SLC28A2: variants seen among roughly 807,000 people sequenced by gnomAD.
SLC28A2 encodes solute carrier family 28 member 2.
In SLC28A2, 69 loss-of-function variants were observed where a neutral mutation model predicts 72.9. The ratio of observed to expected loss-of-function variants is 0.95; its 90% CI spans 0.78 to 1.16. The LOEUF (loss-of-function observed/expected upper bound fraction) is 1.16. Ranked by LOEUF, SLC28A2 falls within the 50% of genes most tolerant of loss-of-function variation. SLC28A2 has a pLI of 0.00. For synonymous variants in SLC28A2, 296 were observed against 294.1 expected, an observed-to-expected ratio of 1.01 and a Z score of -0.07; for missense variants, 745 against 791.1, an observed-to-expected ratio of 0.94 and a Z score of 0.70.
chr15:45,264,507 C>T, intron 6 of SLC28A2, 148 bp from the exon 7 acceptor site: 2 of 613,624 alleles, frequency 3.3e-6, no homozygotes, highest in Non-Finnish European at 5.8e-6. Flanking sequence ...CTGTTTCTCC[C>T]TACCATTGCC....
In SLC28A2 at chr15:45,253,477, G is replaced by C. The variant is rs139690082; in HGVS notation, c.127G>C (p.Gly43Arg). Residue 43 changes from glycine to arginine, a missense_variant, in exon 3 of 18, where the codon GGA becomes CGA. Physicochemically the swap from Gly to Arg is moderately radical, Grantham distance 125 (BLOSUM62 -2). Transcript: ENST00000347644. ...GGGAAGCAAGAGGACTGACGCACAA[G>C]GACACAGCCTGGGGGATGGACTGGG... ...PEGSKRTDAQ[G>R]HSLGDGLGPS... 14 of 1,613,864 alleles carry C rather than the reference G, an allele frequency of 8.7e-6. No homozygotes were observed. The highest frequency in any genetic ancestry group is 1.2e-5 in the Non-Finnish European group (14 of 1,179,886).
At chr15:45,266,220 A>G in intron 10 of SLC28A2, 59 bp downstream of exon 10, 3 of 1,195,420 alleles carry the variant, frequency 2.5e-6, no homozygotes, top group African/African-American at 1.5e-5. Context: ...ATTTGGCACA[A>G]AACAAGAGTA....
At position 45,265,483 on chromosome 15, in the gene SLC28A2, T is replaced by A. The variant is rs1900303205; in HGVS notation, c.781-100T>A. ...TTGTGTAGGTACTGAATACCTACAC[T>A]GTATGAGATACCCTTGGAATGCTAA... On this transcript the variant is annotated intron_variant, in intron 8 of 17. Transcript: ENST00000347644. 2.0e-5 allele frequency: 17 copies of A among 840,412 alleles called. No homozygotes were observed. The South Asian group carries it at 2.3e-4, about 11-fold the overall frequency. The allele number at this position is 840,412 out of a possible 1,614,324, so 52.1% of individuals were successfully genotyped here.
At chr15:45,274,750 T>C (rs1012416813) in intron 17 of SLC28A2, among the ~76,000 whole-genome samples, 2 of 150,698 alleles carry the variant, frequency 1.3e-5, no homozygotes, top group East Asian at 1.9e-4. Flanking sequence ...GATTCTTCTT[T>C]TTTTTTTTTT....
At chr15:45,263,290 C>T (rs1271094431) in intron 5 of SLC28A2, 46 bp downstream of exon 5, 1 of 1,573,664 alleles carries the variant, frequency 6.4e-7, no homozygotes, top group Non-Finnish European at 8.6e-7. Context: ...TATCCCAGCC[C>T]ACCTCCTTTT....
In SLC28A2 at chr15:45,264,975, G is replaced by A. The variant is rs1376273488; in HGVS notation, c.703-114G>A. The A allele has an allele frequency of 1.0e-5, 9 of 885,772 alleles. 1 individual carries two copies. The highest frequency in any genetic ancestry group is 1.7e-5 in the Non-Finnish European group (9 of 537,864). The allele number at this position is 885,772 out of a possible 1,614,324, so 54.9% of individuals were successfully genotyped here. On this transcript the variant is annotated intron_variant, in intron 7 of 17. Transcript: ENST00000347644. ...CCTGCCCCTGGGCTGTCAAAGGGAGGCCAACCTCAGTAGCAACAGTAGGTC... is the reference window on the plus strand; with the variant it reads ...CCTGCCCCTGGGCTGTCAAAGGGAGACCAACCTCAGTAGCAACAGTAGGTC...
intron 10 of SLC28A2, among the ~76,000 whole-genome samples, chr15:45,266,607 C>T (rs149259594): frequency 6.0e-4 from 92 of 152,272 alleles, no homozygotes; most frequent in African/African-American, 2.2e-3. Context: ...TTGGTACATT[C>T]GTCTGTATGG....
chr15:45,253,669 G>C, intron 3 of SLC28A2, 149 bp downstream of exon 3: 1 of 548,774 alleles, frequency 1.8e-6, no homozygotes, highest in East Asian at 2.9e-5. Context: ...TTAAACATGT[G>C]CCATAAACTC....
Position 45,268,102 on chromosome 15 carries a change from T to A in SLC28A2, c.1200-108T>A, listed in dbSNP as rs538124494. ...GAGGAACCCCTGTCACCTTCTACAT[T>A]GGCCTTGCACCCTCCTCCTGCACGA... On this transcript the variant is annotated intron_variant, in intron 12 of 17. Coordinates refer to ENST00000347644, the MANE Select transcript of SLC28A2 (RefSeq NM_004212.4). The A allele has an allele frequency of 1.1e-3, 1,197 of 1,053,998 alleles. 3 individuals carry two copies. Among genetic ancestry groups the A allele is most frequent in the Middle Eastern group, 6.0e-3 (22 of 3,674 alleles). The allele number at this position is 1,053,998 out of a possible 1,614,324, so 65.3% of individuals were successfully genotyped here.
Position 45,263,886 on chromosome 15 carries a change from T to C in SLC28A2, c.452T>C (p.Phe151Ser). 1 of 1,608,466 alleles carries C rather than the reference T, an allele frequency of 6.2e-7. No homozygotes were observed. The highest frequency in any genetic ancestry group is 8.5e-7 in the Non-Finnish European group (1 of 1,177,070). The change falls in exon 6 of 18, where the codon TTT (phenylalanine) becomes TCT (serine). Residue 151 changes from phenylalanine (F) to serine (S), a missense_variant. Phe to Ser is a radical substitution (Grantham distance 155, BLOSUM62 -2). Coordinates refer to ENST00000347644, the MANE Select transcript of SLC28A2 (RefSeq NM_004212.4). Reference protein sequence around the residue: ...SRLRLWTKWVFAGVSLVGLIL... With the variant: ...SRLRLWTKWVSAGVSLVGLIL... ...TCTTGGCATTCCTTCTTCAGGGTGT[T>C]TGCAGGAGTCTCCTTGGTTGGCCTT...
rs1900757082 is a variant in SLC28A2 at position 45,276,449 on chromosome 15, G to T, written c.*936G>T. On this transcript the variant is annotated 3_prime_UTR_variant, in exon 18 of 18. Transcript: ENST00000347644. ...TACATATGTAACTAACCTGCATATT[G>T]TGCACATGTACCCTAAAACTTAAAG... 1 of 151,678 alleles carries T rather than the reference G, an allele frequency of 6.6e-6. No homozygotes were observed. The highest frequency in any genetic ancestry group is 2.4e-5 in the African/African-American group (1 of 41,232). The allele number at this position is 151,678 out of a possible 1,614,324, so 9.4% of individuals were successfully genotyped here.
intron 1 of SLC28A2, among the ~76,000 whole-genome samples, chr15:45,252,803 T>G (rs1308648008): frequency 3.3e-5 from 5 of 152,176 alleles, no homozygotes; most frequent in African/African-American, 1.2e-4. Context: ...TCCTTCTTAC[T>G]CAGCAAGCTC....
intron 10 of SLC28A2, 93 bp from the exon 11 acceptor site, chr15:45,267,361 TA>T: frequency 7.5e-7 from 1 of 1,327,814 alleles, no homozygotes; most frequent in Non-Finnish European, 1.1e-6. Flanking sequence ...GATGGATGTG[TA>T]TCTAGTGGGT....
chr15:45,269,629 C>T (rs1900480948), intron 14 of SLC28A2, 94 bp downstream of exon 14: 2 of 1,049,836 alleles, frequency 1.9e-6, no homozygotes, highest in Non-Finnish European at 2.9e-6. Flanking sequence ...TGTTGCAGAC[C>T]TGCAGATGCC....
At chr15:45,273,885 G>A (rs1900667433) in intron 17 of SLC28A2, among the ~76,000 whole-genome samples, 1 of 152,176 alleles carries the variant, frequency 6.6e-6, no homozygotes, top group Admixed American at 6.5e-5. Context: ...ATTCACAGAA[G>A]AGGAGGACTA....
In SLC28A2 at chr15:45,267,524, ACTGGAGGGTTTGCCACCATTT is replaced by A. The variant is rs774093128; in HGVS notation, c.1017_1037del (p.Gly340_Gly346del). Reference sequence around the variant, plus strand: ...ACTCTCTGAAATCCATGCGGTGATGACTGGAGGGTTTGCCACCATTTCTGGCACTGTGCTGGGAGCCTTCAT... The same window carrying A: ...ACTCTCTGAAATCCATGCGGTGATGACTGGCACTGTGCTGGGAGCCTTCAT... On this transcript the variant is annotated inframe_deletion, in exon 11 of 18. Coordinates refer to ENST00000347644, the MANE Select transcript of SLC28A2 (RefSeq NM_004212.4). 12 of 1,614,146 alleles carry A rather than the reference ACTGGAGGGTTTGCCACCATTT, an allele frequency of 7.4e-6. No homozygotes were observed. The highest frequency in any genetic ancestry group is 1.0e-5 in the Non-Finnish European group (12 of 1,180,018).
chr15:45,262,961 G>T, intron 4 of SLC28A2, 100 bp from the exon 5 acceptor site: 1 of 1,025,362 alleles, frequency 9.8e-7, no homozygotes, highest in Non-Finnish European at 1.4e-6. Flanking sequence ...TCTCTGGAGG[G>T]TTTTTCTTGC....
chr15:45,253,092 G>A, intron 1 of SLC28A2, 108 bp from the exon 2 acceptor site: 3 of 629,124 alleles, frequency 4.8e-6, no homozygotes, highest in Non-Finnish European at 2.9e-6. Context: ...AGCCTTCAAA[G>A]ACTTTTAGTT....
chr15:45,266,067 C>A lies in SLC28A2; in HGVS notation c.862-14C>A. On this transcript the variant is annotated splice_polypyrimidine_tract_variant and intron_variant, in intron 9 of 17. Coordinates refer to ENST00000347644, the MANE Select transcript of SLC28A2 (RefSeq NM_004212.4). ...CTGCTAACATTAATGGTTTAGGTTT[C>A]TGTATTCTTCTAGGTCGCCTGGTTT... 6.3e-7 allele frequency: 1 copy of A among 1,583,970 alleles called. No homozygotes were observed. The highest frequency in any genetic ancestry group is 8.7e-7 in the Non-Finnish European group (1 of 1,152,774).
Sources: allele counts gnomAD v4.1 joint callset (sites outside exome capture counted in the v4.1 genomes callset), GRCh38; gene constraint gnomAD v4.1.1; transcripts MANE v1.5; gene names NCBI Gene and HGNC (gene_info 2026-07-23, HGNC 2026-07-21).